ADGRG4: variants seen among roughly 807,000 people sequenced by gnomAD.
The protein encoded by ADGRG4 is G protein-coupled receptor 112.
ADGRG4 carries 122 observed loss-of-function variants against 126.2 expected under a neutral mutation model. That is an observed-to-expected ratio of 0.97 (90% CI 0.83 to 1.12). The LOEUF (loss-of-function observed/expected upper bound fraction) is 1.12. Ranked by LOEUF, ADGRG4 falls within the 50% of genes most tolerant of loss-of-function variation. The pLI is 0.00. For synonymous variants in ADGRG4, 943 were observed against 838.7 expected (o/e 1.12, Z -2.15); for missense variants, 2,481 against 2,251.8 (o/e 1.10, Z -2.06).
At position 136,399,879 on chromosome X, in the gene ADGRG4, C is replaced by T. The variant is rs780297218; in HGVS notation, c.8338C>T (p.Leu2780=). ...TCGAAAAGATTATCCTGCCAAAATT[C>T]TGATCAACCTGTGCACAGCACTACT... ...KLRKDYPAKI[L]INLCTALLML... The change falls in exon 21 of 26, where the codon CTG becomes TTG. Residue 2780 remains leucine (L), a synonymous_variant. Coordinates refer to ENST00000394143, the MANE Select transcript of ADGRG4 (RefSeq NM_153834.4). 3 of 1,200,415 alleles carry T rather than the reference C, an allele frequency of 2.5e-6. No individual in the cohort carries two copies. The highest frequency in any genetic ancestry group is 3.4e-6 in the Non-Finnish European group (3 of 889,694).
At position 136,345,345 on chromosome X, in the gene ADGRG4, T is replaced by C. The variant is rs746632916; in HGVS notation, c.1639T>C (p.Ser547Pro). The change falls in exon 6 of 26, where the codon TCC becomes CCC. Residue 547 changes from serine (S) to proline (P), a missense_variant. Physicochemically the swap from Ser to Pro is moderately conservative, Grantham distance 74. Transcript: ENST00000394143. ...LPRVEDAMST[S>P]MSKETSSKTF... is the part of the protein sequence containing the mutation. Reference sequence around the variant, plus strand: ...CAGAGTGGAAGATGCCATGTCTACTTCCATGTCGAAAGAGACCTCCTCTAA... The same window carrying C: ...CAGAGTGGAAGATGCCATGTCTACTCCCATGTCGAAAGAGACCTCCTCTAA... The C allele has an allele frequency of 1.1e-5, 13 of 1,209,187 alleles. No individual in the cohort carries two copies. The South Asian group carries it at 2.3e-4, about 21-fold the overall frequency.
chrX:136,396,594 CAAAA>C (rs771100359), intron 19 of ADGRG4, among the ~76,000 whole-genome samples: 3 of 57,389 alleles, frequency 5.2e-5, no homozygotes, highest in African/African-American at 1.8e-4. Flanking sequence ...GAACCTGTCC[CAAAA>C]AAAAAAAAAA....
chrX:136,372,712 T>C (rs1049641874), intron 14 of ADGRG4, among the ~76,000 whole-genome samples, 190 bp from the exon 15 acceptor site: 4 of 112,048 alleles, frequency 3.6e-5, no homozygotes, highest in Non-Finnish European at 7.5e-5. Flanking sequence ...AGTTAGAAAT[T>C]AGAGAAGCTA....
At chrX:136,356,310 G>T in intron 9 of ADGRG4, 145 bp downstream of exon 9, 1 of 365,222 alleles carries the variant, frequency 2.7e-6, no homozygotes. Flanking sequence ...CTTCCTTTGG[G>T]ATTGGTACAA....
At chrX:136,356,573 C>T (rs923624331) in intron 9 of ADGRG4, among the ~76,000 whole-genome samples, 8 of 112,185 alleles carry the variant, frequency 7.1e-5, no homozygotes, top group African/African-American at 2.6e-4. Context: ...TCATCCTTGC[C>T]CCAATTCTCA....
intron 10 of ADGRG4, 72 bp downstream of exon 10, chrX:136,357,828 A>G (rs919047252): frequency 1.4e-6 from 1 of 737,754 alleles, no homozygotes; most frequent in Non-Finnish European, 2.1e-6. Flanking sequence ...TTAATTCTGC[A>G]TGTGCGGCCA....
rs2148468149 is a variant in ADGRG4, at chrX:136,348,569, A to AAAC, written c.4866_4868dup (p.Asn1622dup). 5 of 1,208,383 alleles carry AAAC rather than the reference A, an allele frequency of 4.1e-6. No individual in the cohort carries two copies. In the East Asian group the frequency reaches 1.5e-4, roughly 36 times the overall value. On this transcript the variant is annotated inframe_insertion, in exon 6 of 26. Transcript: ENST00000394143. ...TGATATATGCTGGGGCTACTTCAAA[A>AAAC]AACAAAATGGTTTCCTCTGCTTTCA...
chrX:136,335,867 T>A (rs1342055258), intron 5 of ADGRG4, among the ~76,000 whole-genome samples: 1 of 111,244 alleles, frequency 9.0e-6, no homozygotes, highest in Non-Finnish European at 1.9e-5. Flanking sequence ...TTCATTGAGT[T>A]CTTTTATGAT....
rs773896769 is a variant in ADGRG4 at position 136,363,527 on chromosome X, A to G, written c.7328A>G (p.Lys2443Arg). The change falls in exon 13 of 26, where the codon AAA (lysine) becomes AGA (arginine). Residue 2443 changes from lysine to arginine, a missense_variant. Coordinates refer to ENST00000394143, the MANE Select transcript of ADGRG4 (RefSeq NM_153834.4). ...GKSQWEKPKF[K>R]QCKLLQELPD... The stretch of plus-strand genomic sequence containing the variant: ...TCTCAGTGGGAAAAGCCAAAGTTTA[A>G]ACAATGCAAATTGCTTCAAGAACTT... 2 of 1,205,465 alleles carry G rather than the reference A, an allele frequency of 1.7e-6. No individual in the cohort carries two copies. The highest frequency in any genetic ancestry group is 5.9e-5 in the East Asian group (2 of 33,801).
intron 4 of ADGRG4, among the ~76,000 whole-genome samples, chrX:136,321,622 T>A (rs2074839887): frequency 9.0e-6 from 1 of 111,584 alleles, no homozygotes; most frequent in South Asian, 3.8e-4. Context: ...GTACTGGCAC[T>A]GGAATTAGGT....
rs1200825998 is a variant in ADGRG4 at position 136,408,583 on chromosome X, T to C, written c.8935+2611T>C. ...TTTATAGCTGTGTAGTATTCCATGG[T>C]GGCTATGTAGACAGTTTCTTTATCC... On this transcript the variant is annotated intron_variant, in intron 23 of 25. Transcript: ENST00000394143. 6.2e-5 allele frequency among the ~76,000 whole-genome samples: 7 copies of C among 112,337 alleles called. No homozygotes were observed. In the Admixed American group the frequency reaches 6.6e-4, roughly 11 times the overall value.
chrX:136,379,878 C>T (rs1199086687), intron 15 of ADGRG4, among the ~76,000 whole-genome samples: 1 of 111,247 alleles, frequency 9.0e-6, no homozygotes, highest in African/African-American at 3.3e-5. Context: ...CCATATTTGT[C>T]CTTTGTGACT....
intron 15 of ADGRG4, 103 bp downstream of exon 15, chrX:136,373,167 A>AG: frequency 1.4e-6 from 1 of 714,625 alleles, no homozygotes; most frequent in Non-Finnish European, 2.0e-6. Flanking sequence ...TATGGTTTTA[A>AG]GGGGACCTTA....
chrX:136,354,880 T>C (rs752944855), intron 8 of ADGRG4, among the ~76,000 whole-genome samples: 21 of 111,686 alleles, frequency 1.9e-4, no homozygotes, highest in African/African-American at 4.2e-4. Flanking sequence ...TCTCCCTGGG[T>C]GCACCACCCT....
At chrX:136,337,142 A>AT (rs1158862152) in intron 5 of ADGRG4, among the ~76,000 whole-genome samples, 16 of 111,030 alleles carry the variant, frequency 1.4e-4, no homozygotes, top group South Asian at 3.9e-4. Context: ...TTTTAAAAAA[A>AT]TTTTTTGATA....
rs1186063064 is a variant in ADGRG4, at chrX:136,395,419, TGTAAA to T, written c.8117_8121del (p.Val2706GlyfsTer12). On this transcript the variant is annotated frameshift_variant, in exon 19 of 26. Coordinates refer to ENST00000394143, the MANE Select transcript of ADGRG4 (RefSeq NM_153834.4). LOFTEE classifies it high-confidence loss of function. ...GCTGGGTGGATGGAATTCGTCAGGC[TGTAAA>T]GTAAAGGAAACAAATGTAAATTACA... 5 of 1,202,022 alleles carry T rather than the reference TGTAAA, an allele frequency of 4.2e-6. No individual in the cohort carries two copies. Among genetic ancestry groups the T allele is most frequent in the African/African-American group, 1.8e-5 (1 of 57,031 alleles).
rs1377301035 is a variant in ADGRG4, at chrX:136,359,455, G to A, written c.7144G>A (p.Glu2382Lys). Residue 2382 changes from glutamate to lysine, a missense_variant and splice_region_variant, in exon 11 of 26, where the codon GAG becomes AAG. Coordinates refer to ENST00000394143, the MANE Select transcript of ADGRG4 (RefSeq NM_153834.4). ...NCEHVAVKKLEPGNCKADETA... is the reference protein window; with the variant it reads ...NCEHVAVKKLKPGNCKADETA... ...TGAACACGTTGCAGTGAAAAAACTA[G>A]GTAATTTTTTTGGGGGGTGGATATT... is the stretch of plus-strand genomic sequence containing the variant. The A allele has an allele frequency of 8.4e-7, 1 of 1,185,082 alleles. No homozygotes were observed. The highest frequency in any genetic ancestry group is 1.1e-6 in the Non-Finnish European group (1 of 881,275).
chrX:136,371,396 G>A lies in ADGRG4; in HGVS notation c.7465G>A (p.Glu2489Lys). 4 of 1,197,389 alleles carry A rather than the reference G, an allele frequency of 3.3e-6. 1 individual carries two copies. Among genetic ancestry groups the A allele is most frequent in the Non-Finnish European group, 1.1e-6 (1 of 884,764 alleles). Residue 2489 changes from glutamate to lysine, a missense_variant, in exon 14 of 26, where the codon GAG (glutamate) becomes AAG (lysine). Physicochemically the swap from Glu to Lys is moderately conservative, Grantham distance 56. Transcript: ENST00000394143. ...TGAATCCCCAGCCCTGGGTAAAGAA[G>A]AGACAAAGATTATTGTTTCTAAAAT... ...INESPALGKEETKIIVSKISD... is the reference protein window; with the variant it reads ...INESPALGKEKTKIIVSKISD...
intron 4 of ADGRG4, among the ~76,000 whole-genome samples, chrX:136,320,202 G>A (rs956634375): frequency 9.0e-6 from 1 of 111,727 alleles, no homozygotes; most frequent in Non-Finnish European, 1.9e-5. Flanking sequence ...ATACAGGTTC[G>A]TCAATTGTTC....
Sources: gnomAD v4.1 joint callset for allele counts (sites outside exome capture counted in the v4.1 genomes callset) on GRCh38, gnomAD v4.1.1 for gene constraint, MANE v1.5 for transcripts, NCBI Gene and HGNC (gene_info 2026-07-23, HGNC 2026-07-21) for gene names.